The following PSMD5 variants were observed in gnomAD, a reference collection of about 807,000 sequenced individuals.
PSMD5 encodes proteasome 26S subunit, non-ATPase 5.
A neutral mutation model predicts 52.1 loss-of-function variants in PSMD5; 40 were observed. That is an observed-to-expected ratio of 0.77 (90% CI 0.60 to 1.00). PSMD5 has a LOEUF of 1.00. Ranked by LOEUF, PSMD5 falls within the 50% of genes least tolerant of loss-of-function variation. The probability of loss-of-function intolerance (pLI) is 0.00; values close to 1 mark genes in which losing one functional copy is unlikely to be tolerated. For missense variants in PSMD5, 575 were observed against 605.2 expected, an observed-to-expected ratio of 0.95 and a Z score of 0.52; for synonymous variants, 211 against 226.6, an observed-to-expected ratio of 0.93 and a Z score of 0.62.
At chr9:120,828,599 T>C (rs1318508778) in intron 5 of PSMD5, among the ~76,000 whole-genome samples, 1 of 152,006 alleles carries the variant, frequency 6.6e-6, no homozygotes, top group Non-Finnish European at 1.5e-5. Context: ...AGCTAATTTT[T>C]GTATTTTTAG....
intron 9 of PSMD5, among the ~76,000 whole-genome samples, chr9:120,818,420 G>C (rs971623409): frequency 6.6e-6 from 1 of 151,806 alleles, no homozygotes; most frequent in African/African-American, 2.4e-5. Flanking sequence ...AGTAAATTAT[G>C]GTATATAGCA....
At chr9:120,841,044 A>G (rs2045231522) in intron 1 of PSMD5, among the ~76,000 whole-genome samples, 1 of 152,078 alleles carries the variant, frequency 6.6e-6, no homozygotes, top group Non-Finnish European at 1.5e-5. Flanking sequence ...GAGCCACTGC[A>G]CCGGGCCTAC....
chr9:120,833,510 A>G, intron 1 of PSMD5, 54 bp from the exon 2 acceptor site: 5 of 1,550,710 alleles, frequency 3.2e-6, no homozygotes, highest in Non-Finnish European at 4.4e-6. Flanking sequence ...GGTAGGAAGT[A>G]ACAACCTAAT....
intron 1 of PSMD5, among the ~76,000 whole-genome samples, chr9:120,834,576 T>C (rs1212505655): frequency 2.6e-5 from 4 of 152,078 alleles, no homozygotes; most frequent in Non-Finnish European, 4.4e-5. Context: ...TTTGGTATGA[T>C]TGGGGTCAGA....
At position 120,842,910 on chromosome 9, in the gene PSMD5, C is replaced by T; in HGVS notation, c.-1G>A. ...GCAGCGCCAAAGCCTGGGCTGCCAT[C>T]TTGCCCCCCGACGCAGGGGCTGGCC... is the stretch of plus-strand genomic sequence containing the variant. On this transcript the variant is annotated 5_prime_UTR_variant, in exon 1 of 10. Transcript: ENST00000210313. 1.3e-6 allele frequency: 2 copies of T among 1,579,122 alleles called. No individual in the cohort carries two copies. The highest frequency in any genetic ancestry group is 1.7e-6 in the Non-Finnish European group (2 of 1,168,682).
Position 120,817,473 on chromosome 9 carries a change from T to G in PSMD5, c.*433A>C, listed in dbSNP as rs1408493880. ...TTAGTAGAGACAGGGTTTTGCCATA[T>G]TGGCCAGGCTGGTCTTGAACTCCTA... On this transcript the variant is annotated 3_prime_UTR_variant, in exon 10 of 10. Transcript: ENST00000210313. The G allele has an allele frequency of 6.4e-6, 1 of 157,152 alleles. No individual in the cohort carries two copies. The highest frequency in any genetic ancestry group is 1.4e-5 in the Non-Finnish European group (1 of 70,960). 9.7% of individuals were successfully genotyped at this position (157,152 alleles called of 1,614,324 possible). A position where few individuals can be genotyped will look rare whatever the true frequency, so the allele number is the denominator to read the frequency against.
rs1329754665 is a variant in PSMD5 at position 120,816,341 on chromosome 9, G to GTA, written c.*1563_*1564dup. 1 of 152,038 alleles carries GTA rather than the reference G, an allele frequency of 6.6e-6. No homozygotes were observed. Among genetic ancestry groups the GTA allele is most frequent in the Non-Finnish European group, 1.5e-5 (1 of 68,032 alleles). The allele number at this position is 152,038 out of a possible 1,614,324, so 9.4% of individuals were successfully genotyped here. On this transcript the variant is annotated 3_prime_UTR_variant, in exon 10 of 10. Coordinates refer to ENST00000210313, the MANE Select transcript of PSMD5 (RefSeq NM_005047.4). ...ATGAACATATGTAATATACTGAACTGTACACTTAAAATAGTTATGACAAAT... is the reference window on the plus strand; with the variant it reads ...ATGAACATATGTAATATACTGAACTGTATACACTTAAAATAGTTATGACAAAT...
intron 5 of PSMD5, 122 bp downstream of exon 5, chr9:120,828,977 C>T (rs2045142083): frequency 1.6e-6 from 2 of 1,268,510 alleles, no homozygotes; most frequent in Non-Finnish European, 1.0e-6. Flanking sequence ...CTTCAGGACA[C>T]ACATCAGTCA....
intron 5 of PSMD5, among the ~76,000 whole-genome samples, chr9:120,827,145 C>T (rs1476213472): frequency 6.6e-6 from 1 of 152,164 alleles, no homozygotes; most frequent in African/African-American, 2.4e-5. Context: ...GATTTGAAGT[C>T]CACTATTGTT....
intron 7 of PSMD5, chr9:120,824,259 T>C: frequency 1.9e-6 from 1 of 540,440 alleles, no homozygotes; most frequent in South Asian, 2.1e-5. Context: ...TTGAAATCGA[T>C]TGGTAGAAAC....
At position 120,826,880 on chromosome 9, in the gene PSMD5, T is replaced by C. The variant is rs1231309819; in HGVS notation, c.699A>G (p.Ser233=). Residue 233 remains serine, a synonymous_variant, in exon 6 of 10, where the codon TCA becomes TCG. Transcript: ENST00000210313. The part of the protein sequence containing the change: ...VRATCIEMVT[S]LAYTHHGRQY... ...GTCGCCCATGATGAGTATATGCCAG[T>C]GATGTCACCATTTCTATACAGGTGG... 1.2e-6 allele frequency: 2 copies of C among 1,611,710 alleles called. No individual in the cohort carries two copies. The highest frequency in any genetic ancestry group is 2.2e-5 in the East Asian group (1 of 44,796).
intron 1 of PSMD5, 115 bp downstream of exon 1, chr9:120,842,622 G>A (rs2045248050): frequency 7.7e-7 from 1 of 1,303,832 alleles, no homozygotes; most frequent in Non-Finnish European, 1.0e-6. Context: ...GCAAATTTCG[G>A]CTACTTTCCA....
At chr9:120,830,726 C>G (rs2045153727) in intron 4 of PSMD5, among the ~76,000 whole-genome samples, 1 of 152,028 alleles carries the variant, frequency 6.6e-6, no homozygotes, top group Non-Finnish European at 1.5e-5. Flanking sequence ...TAACAACATA[C>G]AAAGTTTACT....
chr9:120,822,661 C>T (rs754848601), intron 7 of PSMD5, among the ~76,000 whole-genome samples: 5 of 151,982 alleles, frequency 3.3e-5, no homozygotes, highest in East Asian at 3.9e-4. Context: ...CTCAACCTCC[C>T]GAGTAGCTGG....
Position 120,831,847 on chromosome 9 carries a change from T to C in PSMD5, c.417A>G (p.Leu139=). Reference sequence around the variant, plus strand: ...GTAGACTCACCGCTTTTGCTACAGATAGATTCTCTCCACCAATGCAATAAA... The same window carrying C: ...GTAGACTCACCGCTTTTGCTACAGACAGATTCTCTCCACCAATGCAATAAA... ...QIVYCIGGEN[L]SVAKAAIKSL... The change falls in exon 3 of 10, where the codon CTA becomes CTG. Residue 139 remains leucine, a synonymous_variant. Coordinates refer to ENST00000210313, the MANE Select transcript of PSMD5 (RefSeq NM_005047.4). 1.2e-6 allele frequency: 2 copies of C among 1,613,134 alleles called. No homozygotes were observed. Among genetic ancestry groups the C allele is most frequent in the African/African-American group, 2.7e-5 (2 of 75,044 alleles).
chr9:120,833,157 A>G (rs1176186515), intron 2 of PSMD5, among the ~76,000 whole-genome samples, 155 bp downstream of exon 2: 6 of 151,420 alleles, frequency 4.0e-5, no homozygotes, highest in African/African-American at 1.2e-4. Flanking sequence ...GGAATAGACC[A>G]CACATTTCCT....
Position 120,818,018 on chromosome 9 carries a change from G to A in PSMD5, c.1403C>T (p.Thr468Ile). The A allele has an allele frequency of 1.2e-6, 2 of 1,614,194 alleles. No individual in the cohort carries two copies. The highest frequency in any genetic ancestry group is 1.7e-6 in the Non-Finnish European group (2 of 1,180,040). ...TGGGTTCCCAAAGATTTCTGCAATT[G>A]TCTTGGAATTGGCAAGTGCTTTCAC... ...ELVKALANSK[T>I]IAEIFGNPNY... The change falls in exon 10 of 10, where the codon ACA becomes ATA. Residue 468 changes from threonine to isoleucine, a missense_variant. Transcript: ENST00000210313.
intron 1 of PSMD5, among the ~76,000 whole-genome samples, chr9:120,838,496 C>G (rs1200423181): frequency 6.6e-6 from 1 of 152,170 alleles, no homozygotes; most frequent in African/African-American, 2.4e-5. Flanking sequence ...GATTGTGAAC[C>G]AACACACAAC....
chr9:120,829,592 TG>T (rs1388050065), intron 4 of PSMD5, among the ~76,000 whole-genome samples: 2 of 152,134 alleles, frequency 1.3e-5, no homozygotes, highest in Non-Finnish European at 2.9e-5. Context: ...GATGGGGTTT[TG>T]CTATGTTGGC....
Sources: gnomAD v4.1 joint callset for allele counts (sites outside exome capture counted in the v4.1 genomes callset) on GRCh38, gnomAD v4.1.1 for gene constraint, MANE v1.5 for transcripts, NCBI Gene and HGNC (gene_info 2026-07-23, HGNC 2026-07-21) for gene names.